The following ASXL3 variants were observed in gnomAD, a reference collection of about 807,000 sequenced individuals.
The protein encoded by ASXL3 is putative Polycomb group protein ASXL3.
ASXL3 carries 34 observed loss-of-function variants against 170.6 expected under a neutral mutation model. That is an observed-to-expected ratio of 0.20 (90% CI 0.15 to 0.27). The LOEUF (loss-of-function observed/expected upper bound fraction) is 0.27. ASXL3 is among the 10% of genes least tolerant of loss of function. The pLI, the probability that ASXL3 is intolerant of heterozygous loss-of-function variation, is 1.00. For synonymous variants in ASXL3, 1,002 were observed against 989.1 expected, an observed-to-expected ratio of 1.01 and a Z score of -0.24; for missense variants, 2,592 against 2,695.3, an observed-to-expected ratio of 0.96 and a Z score of 0.85.
intron 1 of ASXL3, among the ~76,000 whole-genome samples, chr18:33,580,295 T>C (rs984284997): frequency 1.1e-4 from 17 of 152,322 alleles, no homozygotes; most frequent in Admixed American, 8.5e-4. Context: ...AGATGCCAGA[T>C]TGATGTTGTC....
intron 7 of ASXL3, among the ~76,000 whole-genome samples, chr18:33,675,309 C>T (rs899858298): frequency 3.9e-5 from 6 of 152,164 alleles, no homozygotes; most frequent in African/African-American, 1.4e-4. Context: ...GATCCCACCT[C>T]ATATCCTTTA....
Position 33,636,792 on chromosome 18 carries a change from T to C in ASXL3, c.138-8102T>C, listed in dbSNP as rs144431113. The stretch of plus-strand genomic sequence containing the variant: ...TGTTTGGGACCAGAAGTGTCTTGGA[T>C]TTTGGATTTTTTTAAAAAAATTTTG... On this transcript the variant is annotated intron_variant, in intron 2 of 11. Coordinates refer to ENST00000269197, the MANE Select transcript of ASXL3 (RefSeq NM_030632.3). Among the ~76,000 whole-genome samples, 846 of 152,160 alleles carry C rather than the reference T, an allele frequency of 5.6e-3. 7 individuals are homozygous for C. The highest frequency in any genetic ancestry group is 0.024 in the Middle Eastern group (7 of 294).
intron 7 of ASXL3, among the ~76,000 whole-genome samples, chr18:33,680,864 G>A (rs2066503358): frequency 6.6e-6 from 1 of 151,528 alleles, no homozygotes; most frequent in Non-Finnish European, 1.5e-5. Flanking sequence ...TATTTTATGT[G>A]TATTTCTTCT....
At chr18:33,597,753 A>G (rs2065141881) in intron 1 of ASXL3, among the ~76,000 whole-genome samples, 1 of 151,852 alleles carries the variant, frequency 6.6e-6, no homozygotes, top group Non-Finnish European at 1.5e-5. Flanking sequence ...AAGTGAATTA[A>G]AAGTGAATTA....
Position 33,743,544 on chromosome 18 carries a change from T to C in ASXL3, c.3696T>C (p.Asn1232=). The part of the protein sequence containing the change: ...SENSSVPMLF[N]KNSVPVSVCS... The stretch of plus-strand genomic sequence containing the variant: ...ATAGCAGTGTGCCCATGCTTTTTAA[T>C]AAAAATTCTGTCCCTGTATCTGTTT... Residue 1232 remains asparagine (N), a synonymous_variant, in exon 12 of 12, where the codon AAT becomes AAC. Coordinates refer to ENST00000269197, the MANE Select transcript of ASXL3 (RefSeq NM_030632.3). 1 of 1,613,350 alleles carries C rather than the reference T, an allele frequency of 6.2e-7. No individual in the cohort carries two copies. Among genetic ancestry groups the C allele is most frequent in the African/African-American group, 1.3e-5 (1 of 75,058 alleles).
chr18:33,603,592 C>CT (rs2065209030), intron 1 of ASXL3, among the ~76,000 whole-genome samples: 1 of 151,988 alleles, frequency 6.6e-6, no homozygotes, highest in African/African-American at 2.4e-5. Flanking sequence ...CTCTGTACAT[C>CT]TGTTTACCTC....
chr18:33,730,082 AGTT>A (rs1389714263), intron 8 of ASXL3, among the ~76,000 whole-genome samples: 2 of 152,144 alleles, frequency 1.3e-5, no homozygotes, highest in Non-Finnish European at 2.9e-5. Context: ...CCACTAGTGC[AGTT>A]GTTCTCAACT....
At chr18:33,723,543 G>A (rs1192778888) in intron 8 of ASXL3, among the ~76,000 whole-genome samples, 1 of 152,116 alleles carries the variant, frequency 6.6e-6, no homozygotes, top group Non-Finnish European at 1.5e-5. Flanking sequence ...CACAAGTGAG[G>A]GGTTGCTTCT....
intron 2 of ASXL3, among the ~76,000 whole-genome samples, chr18:33,612,387 TA>T (rs2065349218): frequency 6.6e-6 from 1 of 152,100 alleles, no homozygotes; most frequent in Non-Finnish European, 1.5e-5. Context: ...TAAAAAGTTT[TA>T]TAAACAGTAT....
chr18:33,726,124 T>C (rs149613690), intron 8 of ASXL3, among the ~76,000 whole-genome samples: 43 of 152,244 alleles, frequency 2.8e-4, no homozygotes, highest in African/African-American at 8.9e-4. Context: ...CTGCCTATAG[T>C]CTTGTCTTTT....
chr18:33,593,701 A>T (rs2065100356), intron 1 of ASXL3, among the ~76,000 whole-genome samples: 1 of 152,152 alleles, frequency 6.6e-6, no homozygotes, highest in Non-Finnish European at 1.5e-5. Context: ...ACAAACAGGG[A>T]TTAAGTTGTA....
In ASXL3 at chr18:33,691,041, C is replaced by T. The variant is rs143696282; in HGVS notation, c.879+7473C>T. On this transcript the variant is annotated intron_variant, in intron 8 of 11. Coordinates refer to ENST00000269197, the MANE Select transcript of ASXL3 (RefSeq NM_030632.3). ...CCCTCTCCCCTTCTCTACACGCTTA[C>T]AATGCTTTAAGCCTCATACCTAGAT... 2.0e-3 allele frequency among the ~76,000 whole-genome samples: 301 copies of T among 152,286 alleles called. 2 individuals are homozygous for T. Among genetic ancestry groups the T allele is most frequent in the African/African-American group, 7.0e-3 (291 of 41,556 alleles).
chr18:33,620,857 T>A (rs1347846532), intron 2 of ASXL3, among the ~76,000 whole-genome samples: 1 of 152,136 alleles, frequency 6.6e-6, no homozygotes, highest in Non-Finnish European at 1.5e-5. Context: ...TAGTCTTTAT[T>A]AAAAGGGTAC....
chr18:33,703,374 G>A (rs1382664303), intron 8 of ASXL3, among the ~76,000 whole-genome samples: 1 of 152,104 alleles, frequency 6.6e-6, no homozygotes, highest in African/African-American at 2.4e-5. Flanking sequence ...ATTGGGTGGG[G>A]GTGCTCAGCT....
intron 1 of ASXL3, among the ~76,000 whole-genome samples, chr18:33,587,411 A>G (rs763578264): frequency 1.3e-4 from 20 of 152,160 alleles, no homozygotes; most frequent in Non-Finnish European, 2.9e-5. Context: ...CAACTTTCTT[A>G]TATCACGCTC....
intron 8 of ASXL3, among the ~76,000 whole-genome samples, chr18:33,687,160 GT>G (rs1363960791): frequency 6.6e-6 from 1 of 152,200 alleles, no homozygotes; most frequent in Non-Finnish European, 1.5e-5. Context: ...TTGTGGGCCT[GT>G]CAGCATTTTA....
chr18:33,664,827 G>T (rs963760507), intron 5 of ASXL3, among the ~76,000 whole-genome samples: 1 of 152,112 alleles, frequency 6.6e-6, no homozygotes, highest in African/African-American at 2.4e-5. Context: ...CTTGACGATT[G>T]ACATGGAATA....
intron 10 of ASXL3, among the ~76,000 whole-genome samples, chr18:33,735,508 T>C (rs1400954463): frequency 6.6e-6 from 1 of 152,226 alleles, no homozygotes; most frequent in Non-Finnish European, 1.5e-5. Context: ...CTAGTTGTTA[T>C]ATGTCTTCAC....
chr18:33,742,286 A>G (rs942053384), intron 11 of ASXL3, among the ~76,000 whole-genome samples: 2 of 152,216 alleles, frequency 1.3e-5, no homozygotes, highest in Non-Finnish European at 2.9e-5. Flanking sequence ...GTGTTCTTAT[A>G]TGTATAAAGC....
Sources: gnomAD v4.1 joint callset for allele counts (sites outside exome capture counted in the v4.1 genomes callset) on GRCh38, gnomAD v4.1.1 for gene constraint, MANE v1.5 for transcripts, NCBI Gene and HGNC (gene_info 2026-07-23, HGNC 2026-07-21) for gene names.